The following DAB1 variants were observed in gnomAD, a reference collection of about 807,000 sequenced individuals.
DAB1 encodes the protein disabled homolog 1.
DAB1 carries 15 observed loss-of-function variants against 64.6 expected under a neutral mutation model. The ratio of observed to expected loss-of-function variants is 0.23; its 90% CI spans 0.16 to 0.36. The LOEUF (loss-of-function observed/expected upper bound fraction) is 0.36, where lower values mean the gene tolerates loss of function less well. DAB1 is among the 10% of genes least tolerant of loss of function. The pLI is 1.00. For synonymous variants in DAB1, 235 were observed against 251.9 expected (o/e 0.93, Z 0.64); for missense variants, 596 against 706.7 (o/e 0.84, Z 1.78).
chr1:57,379,937 GT>G (rs1355194631), intron 1 of DAB1, among the ~76,000 whole-genome samples: 2 of 152,226 alleles, frequency 1.3e-5, no homozygotes, highest in Non-Finnish European at 2.9e-5. Flanking sequence ...CCAAACGGAA[GT>G]GGTGATATTA....
chr1:57,667,752 C>T (rs1232452104), intron 6 of DAB1, among the ~76,000 whole-genome samples: 1 of 152,036 alleles, frequency 6.6e-6, no homozygotes, highest in African/African-American at 2.4e-5. Context: ...TGGAAACCAT[C>T]ATTCTCAGTA....
At chr1:57,327,009 G>A (rs945253421) in intron 1 of DAB1, among the ~76,000 whole-genome samples, 2 of 152,080 alleles carry the variant, frequency 1.3e-5, no homozygotes, top group Non-Finnish European at 2.9e-5. Flanking sequence ...CACAATCTTG[G>A]TTCATCGCAG....
chr1:57,603,689 AT>A (rs1363170243), intron 7 of DAB1, among the ~76,000 whole-genome samples: 1 of 152,122 alleles, frequency 6.6e-6, no homozygotes, highest in African/African-American at 2.4e-5. Flanking sequence ...CTCCATTAAG[AT>A]CAAGTTTACA....
chr1:57,384,016 C>T (rs1681589614), intron 1 of DAB1, among the ~76,000 whole-genome samples: 1 of 152,052 alleles, frequency 6.6e-6, no homozygotes, highest in South Asian at 2.1e-4. Context: ...GGTTAATATC[C>T]AGAATATATA....
intron 5 of DAB1, among the ~76,000 whole-genome samples, chr1:58,074,032 C>A (rs1649440954): frequency 6.6e-6 from 1 of 152,166 alleles, no homozygotes; most frequent in African/African-American, 2.4e-5. Context: ...CAGGTTCAAA[C>A]CAACCTTGAG....
At chr1:57,897,488 A>G (rs1449922141) in intron 5 of DAB1, among the ~76,000 whole-genome samples, 2 of 152,186 alleles carry the variant, frequency 1.3e-5, no homozygotes, top group East Asian at 1.9e-4. Context: ...AGTCTTTCCA[A>G]TTAGCACATC....
chr1:57,452,293 G>A (rs1000393077), intron 7 of DAB1, among the ~76,000 whole-genome samples: 2 of 151,110 alleles, frequency 1.3e-5, no homozygotes, highest in African/African-American at 4.9e-5. Context: ...AAAAGTGAGT[G>A]GGCTTGGAAT....
intron 5 of DAB1, among the ~76,000 whole-genome samples, chr1:57,979,386 G>A (rs541275016): frequency 1.3e-5 from 2 of 152,228 alleles, no homozygotes; most frequent in East Asian, 3.9e-4. Flanking sequence ...GACATAGGGA[G>A]GGGAACATCA....
intron 7 of DAB1, among the ~76,000 whole-genome samples, chr1:57,630,475 C>T (rs1645976407): frequency 6.6e-6 from 1 of 152,162 alleles, no homozygotes; most frequent in Non-Finnish European, 1.5e-5. Flanking sequence ...TTGTTTCACC[C>T]TAAGGGTAGA....
At chr1:57,102,848 C>T (rs1220719832) in intron 4 of DAB1, among the ~76,000 whole-genome samples, 1 of 152,170 alleles carries the variant, frequency 6.6e-6, no homozygotes, top group Non-Finnish European at 1.5e-5. Flanking sequence ...CCAGAACATA[C>T]TTGGGGCCTC....
chr1:57,711,350 G>A (rs888088530), intron 6 of DAB1, among the ~76,000 whole-genome samples: 1 of 152,228 alleles, frequency 6.6e-6, no homozygotes, highest in Admixed American at 6.5e-5. Flanking sequence ...TGCAAAGGTG[G>A]TTTCAATCCC....
At chr1:57,059,568 G>A (rs866455627) in intron 9 of DAB1, among the ~76,000 whole-genome samples, 84 of 152,102 alleles carry the variant, frequency 5.5e-4, no homozygotes, top group Admixed American at 5.9e-4. Flanking sequence ...GGTACTCTAG[G>A]GAGTGTGCAT....
chr1:57,895,678 A>T (rs1026876427), intron 5 of DAB1, among the ~76,000 whole-genome samples: 1 of 152,206 alleles, frequency 6.6e-6, no homozygotes, highest in East Asian at 1.9e-4. Context: ...TTCCTGGCAC[A>T]GTAATCTAGT....
chr1:58,248,426 G>A (rs1660651710), intron 4 of DAB1, among the ~76,000 whole-genome samples: 1 of 152,170 alleles, frequency 6.6e-6, no homozygotes, highest in African/African-American at 2.4e-5. Flanking sequence ...GGTCACTGGT[G>A]GAGAGACTGG....
intron 5 of DAB1, among the ~76,000 whole-genome samples, chr1:58,123,042 T>C (rs1235655331): frequency 3.3e-5 from 5 of 152,162 alleles, no homozygotes; most frequent in Admixed American, 2.0e-4. Flanking sequence ...AAAATAGGAA[T>C]AGAAATGTCT....
At chr1:57,529,632 C>A (rs191439685) in intron 7 of DAB1, among the ~76,000 whole-genome samples, 1 of 152,148 alleles carries the variant, frequency 6.6e-6, no homozygotes, top group Admixed American at 6.5e-5. Flanking sequence ...GTAAAGCAAG[C>A]AACTTATAAT....
intron 4 of DAB1, among the ~76,000 whole-genome samples, chr1:58,260,346 CTG>C (rs1661022656): frequency 6.6e-6 from 1 of 152,174 alleles, no homozygotes; most frequent in South Asian, 2.1e-4. Context: ...AGAGGGGAAT[CTG>C]GGCCCCTTTC....
intron 5 of DAB1, chr1:58,056,393 C>T (rs551040957): frequency 1.6e-4 from 259 of 1,574,142 alleles, no homozygotes; most frequent in African/African-American, 3.1e-4. Context: ...TCCTTGGGCA[C>T]GCATCGGGCA....
chr1:58,470,315 A>T (rs1205992338), intron 3 of DAB1, among the ~76,000 whole-genome samples: 1 of 152,066 alleles, frequency 6.6e-6, no homozygotes, highest in East Asian at 1.9e-4. Context: ...GTGGGATTAC[A>T]GGTGTGCAGC....
Sources: gnomAD v4.1 joint callset for allele counts (sites outside exome capture counted in the v4.1 genomes callset) on GRCh38, gnomAD v4.1.1 for gene constraint, MANE v1.5 for transcripts, NCBI Gene and HGNC (gene_info 2026-07-23, HGNC 2026-07-21) for gene names.